The following PPARD variants were observed in gnomAD, a reference collection of about 807,000 sequenced individuals.
PPARD encodes the protein peroxisome proliferator activated receptor delta.
In PPARD, 6 loss-of-function variants were observed where a neutral mutation model predicts 39.5. That is an observed-to-expected ratio of 0.15 (90% CI 0.08 to 0.30). The LOEUF (loss-of-function observed/expected upper bound fraction) is 0.30. PPARD is among the 10% of genes least tolerant of loss of function. The probability of loss-of-function intolerance (pLI) is 1.00; values close to 1 mark genes in which losing one functional copy is unlikely to be tolerated. For synonymous variants in PPARD, 210 were observed against 231.3 expected (o/e 0.91, Z 0.83); for missense variants, 397 against 596.8 (o/e 0.67, Z 3.49).
At chr6:35,374,433 G>A (rs1293195166) in intron 2 of PPARD, among the ~76,000 whole-genome samples, 9 of 151,944 alleles carry the variant, frequency 5.9e-5, no homozygotes, top group East Asian at 1.9e-4. Context: ...CGAGGCGGGC[G>A]GATCACAAGG....
chr6:35,386,290 T>A (rs1412168296), intron 2 of PPARD, among the ~76,000 whole-genome samples: 2 of 151,650 alleles, frequency 1.3e-5, no homozygotes, highest in Non-Finnish European at 2.9e-5. Context: ...CTTACCACGA[T>A]GCATAGTGAG....
chr6:35,383,661 G>C (rs1001974691), intron 2 of PPARD, among the ~76,000 whole-genome samples: 6 of 137,024 alleles, frequency 4.4e-5, no homozygotes, highest in Non-Finnish European at 8.9e-5. Context: ...CTGAGATGTG[G>C]GGAGCGCCTC....
Position 35,424,045 on chromosome 6 carries a change from T to C in PPARD, c.524T>C (p.Leu175Pro). 1 of 1,614,214 alleles carries C rather than the reference T, an allele frequency of 6.2e-7. No individual in the cohort carries two copies. Among genetic ancestry groups the C allele is most frequent in the Non-Finnish European group, 8.5e-7 (1 of 1,180,040 alleles). Residue 175 changes from leucine to proline, a missense_variant, in exon 6 of 8, where the codon CTG (leucine) becomes CCG (proline). Transcript: ENST00000360694. This position sits in a 1 kb window ranked among gnomAD's most constrained non-coding sequence, Gnocchi z 7.1. ...GSQYNPQVAD[L>P]KAFSKHIYNA... is the part of the protein sequence containing the mutation. ...CAGTACAACCCACAGGTGGCCGACC[T>C]GAAGGCCTTCTCCAAGCACATCTAC...
At chr6:35,402,170 A>T (rs1764732287) in intron 2 of PPARD, among the ~76,000 whole-genome samples, 1 of 152,240 alleles carries the variant, frequency 6.6e-6, no homozygotes, top group Admixed American at 6.5e-5. Flanking sequence ...TGGATAACAT[A>T]GGAAAATATA....
intron 2 of PPARD, among the ~76,000 whole-genome samples, chr6:35,384,309 C>CG (rs1763414084): frequency 1.9e-5 from 2 of 102,944 alleles, no homozygotes; most frequent in Admixed American, 9.8e-5. Context: ...GGAGGGAGGT[C>CG]GGGGCGTCAG....
chr6:35,395,145 G>A (rs1323409320), intron 2 of PPARD, among the ~76,000 whole-genome samples: 14 of 152,214 alleles, frequency 9.2e-5, no homozygotes, highest in African/African-American at 1.4e-4. Context: ...TGCCTTATCC[G>A]AAGGTTAATA....
At position 35,426,270 on chromosome 6, in the gene PPARD, C is replaced by T. The variant is rs201301083; in HGVS notation, c.*191C>T. On this transcript the variant is annotated 3_prime_UTR_variant, in exon 8 of 8. Coordinates refer to ENST00000360694, the MANE Select transcript of PPARD (RefSeq NM_006238.5). ...TCTCTCCCGCTTCCTCCAGCCAGCT[C>T]TCTTCCTGTCTTTGTTGTCTCCCTC... The T allele has an allele frequency of 1.8e-5, 12 of 673,540 alleles. No homozygotes were observed. Among genetic ancestry groups the T allele is most frequent in the Non-Finnish European group, 1.2e-5 (5 of 405,424 alleles). The allele number at this position is 673,540 out of a possible 1,614,324, so 41.7% of individuals were successfully genotyped here. A position where few individuals can be genotyped will look rare whatever the true frequency, so the allele number is the denominator to read the frequency against.
chr6:35,406,036 C>CGAAT (rs1459889431), intron 2 of PPARD, among the ~76,000 whole-genome samples: 4 of 152,076 alleles, frequency 2.6e-5, no homozygotes, highest in Non-Finnish European at 5.9e-5. Context: ...AAGTGATTCT[C>CGAAT]GTGCCTCAGC....
At position 35,366,329 on chromosome 6, in the gene PPARD, C is replaced by A. The variant is rs1162548004; in HGVS notation, c.-102+19179C>A. On this transcript the variant is annotated intron_variant, in intron 2 of 7. Transcript: ENST00000360694. The surrounding 1 kb of genome is among the most constrained non-coding windows in gnomAD (Gnocchi z 4.6). ...AGATGGAGCCATGATTGTGGACAAT[C>A]TTACATACTTAGCTGAGAGGTTGTC... Among the ~76,000 whole-genome samples the A allele has an allele frequency of 6.6e-6, 1 of 151,668 alleles. No homozygotes were observed. The highest frequency in any genetic ancestry group is 1.5e-5 in the Non-Finnish European group (1 of 68,046).
Position 35,425,764 on chromosome 6 carries a change from T to G in PPARD, c.1079-68T>G. The G allele has an allele frequency of 6.3e-7, 1 of 1,583,130 alleles. No individual in the cohort carries two copies. Among genetic ancestry groups the G allele is most frequent in the Non-Finnish European group, 8.6e-7 (1 of 1,166,140 alleles). ...CTGCCGTCCCCTGGGCCAAGTCACC[T>G]CTTGGGGTGGAAGTAGGGGAGCTCC... On this transcript the variant is annotated intron_variant, in intron 7 of 7. Coordinates refer to ENST00000360694, the MANE Select transcript of PPARD (RefSeq NM_006238.5). The surrounding 1 kb of genome is among the most constrained non-coding windows in gnomAD (Gnocchi z 4.5).
intron 2 of PPARD, among the ~76,000 whole-genome samples, chr6:35,399,399 C>CAAAAAA (rs10539871): frequency 1.0e-5 from 1 of 95,512 alleles, no homozygotes; most frequent in Non-Finnish European, 2.1e-5. Flanking sequence ...GACTCTGTCT[C>CAAAAAA]AAAAAAAAAA....
chr6:35,354,006 G>T (rs1318626281), intron 2 of PPARD, among the ~76,000 whole-genome samples: 2 of 152,128 alleles, frequency 1.3e-5, no homozygotes, highest in African/African-American at 4.8e-5. Context: ...GCCGAGGTGG[G>T]AGGATCACGA....
At chr6:35,389,180 T>C (rs1431581625) in intron 2 of PPARD, among the ~76,000 whole-genome samples, 3 of 152,170 alleles carry the variant, frequency 2.0e-5, no homozygotes. Flanking sequence ...AGCAAGACCC[T>C]GTCTCAAAAA....
intron 3 of PPARD, among the ~76,000 whole-genome samples, chr6:35,418,969 C>T (rs1202517992): frequency 6.6e-6 from 1 of 152,150 alleles, no homozygotes; most frequent in Non-Finnish European, 1.5e-5. Context: ...GGATGGAGTG[C>T]ACTTTGATTG....
intron 2 of PPARD, among the ~76,000 whole-genome samples, chr6:35,409,978 GGA>G (rs1427188542): frequency 1.3e-5 from 2 of 152,182 alleles, no homozygotes; most frequent in Non-Finnish European, 2.9e-5. Flanking sequence ...TCTAGAGCAG[GGA>G]GAGAGAGCAG....
chr6:35,424,632 T>C lies in PPARD; in HGVS notation c.931T>C (p.Phe311Leu). 6.2e-7 allele frequency: 1 copy of C among 1,614,222 alleles called. No individual in the cohort carries two copies. ...DGLLVANGSG[F>L]VTREFLRSLR... The stretch of plus-strand genomic sequence containing the variant: ...GCTGCTGGTAGCCAACGGCAGTGGC[T>C]TTGTCACCCGTGAGTTCCTGCGCAG... The change falls in exon 7 of 8, where the codon TTT becomes CTT. Residue 311 changes from phenylalanine to leucine, a missense_variant. Phe to Leu is a conservative substitution (Grantham distance 22). Transcript: ENST00000360694. The surrounding 1 kb of genome is among the most constrained non-coding windows in gnomAD (Gnocchi z 7.1).
At chr6:35,379,647 G>A (rs1562189552) in intron 2 of PPARD, among the ~76,000 whole-genome samples, 2 of 152,228 alleles carry the variant, frequency 1.3e-5, no homozygotes, top group Admixed American at 1.3e-4. Flanking sequence ...GCTGTCTGAT[G>A]CCACTGCATG....
intron 2 of PPARD, chr6:35,397,543 C>A: frequency 1.3e-5 from 13 of 985,326 alleles, no homozygotes; most frequent in Non-Finnish European, 1.4e-5. Context: ...GTCAGATACC[C>A]CTGGAAAACT....
At chr6:35,391,303 T>A (rs2150669531) in intron 2 of PPARD, among the ~76,000 whole-genome samples, 1 of 152,376 alleles carries the variant, frequency 6.6e-6, no homozygotes, top group Non-Finnish European at 1.5e-5. Flanking sequence ...AATAAAACAA[T>A]GAATTTCTGT....
Sources: allele counts gnomAD v4.1 joint callset (sites outside exome capture counted in the v4.1 genomes callset), GRCh38; gene constraint gnomAD v4.1.1; non-coding constraint Gnocchi (gnomAD v3.1); transcripts MANE v1.5; gene names NCBI Gene and HGNC (gene_info 2026-07-23, HGNC 2026-07-21).